Variants in PACRGL observed in about 807,000 individuals in gnomAD.
PACRGL encodes parkin coregulated like, also known as PACRG-like protein.
Under a neutral mutation model 34.5 loss-of-function variants are expected in PACRGL, and 38 were observed. That is an observed-to-expected ratio of 1.10 (90% CI 0.85 to 1.44). PACRGL has a LOEUF of 1.44. PACRGL is among the 40% of genes most tolerant of loss of function. The pLI is 0.00. For synonymous variants in PACRGL, 128 were observed against 100.1 expected (o/e 1.28, Z -1.66); for missense variants, 305 against 281.4 (o/e 1.08, Z -0.60).
At chr4:20,696,672 C>T (rs1335787344), upstream of PACRGL, among the ~76,000 whole-genome samples, 1 of 152,196 alleles carries the variant, frequency 6.6e-6, no homozygotes, top group Non-Finnish European at 1.5e-5. Flanking sequence ...ACAGTATGTA[C>T]TCTCTAGCTA....
the PACRGL span, among the ~76,000 whole-genome samples, chr4:20,764,141 T>A: frequency 6.6e-6 from 1 of 152,184 alleles, no homozygotes; most frequent in Non-Finnish European, 1.5e-5. Context: ...AATGAAATTT[T>A]GTCTGATTAT....
chr4:20,713,469 A>G lies in PACRGL; in HGVS notation c.539A>G (p.Asn180Ser). ...GATGAAGTGTTTGAAAGAGGATTGA[A>G]TGCTCTAGTTCAGCTAAGTGTCGTT... The part of the protein sequence containing the change: ...SDDEVFERGL[N>S]ALVQLSVVVG... The change falls in exon 7 of 9, where the codon AAT becomes AGT. Residue 180 changes from asparagine (N) to serine (S), a missense_variant. Transcript: ENST00000503585. 1 of 1,613,736 alleles carries G rather than the reference A, an allele frequency of 6.2e-7. No homozygotes were observed. The highest frequency in any genetic ancestry group is 1.3e-5 in the African/African-American group (1 of 75,022).
downstream of PACRGL, among the ~76,000 whole-genome samples, chr4:20,733,900 C>T (rs1001376118): frequency 6.6e-6 from 1 of 152,116 alleles, no homozygotes; most frequent in South Asian, 2.1e-4. Context: ...CTGTGTCTCT[C>T]CAGTAGCGCA....
At chr4:20,738,937 T>G (rs1000030016) in intron 8 of PACRGL, among the ~76,000 whole-genome samples, 6 of 152,148 alleles carry the variant, frequency 3.9e-5, no homozygotes, top group Admixed American at 6.5e-5. Flanking sequence ...ACCAGGAGAT[T>G]ATATACTGCA....
Position 20,704,830 on chromosome 4 carries a change from T to C in PACRGL, c.207+16T>C. 2.5e-6 allele frequency: 4 copies of C among 1,612,450 alleles called. No homozygotes were observed. The highest frequency in any genetic ancestry group is 3.4e-6 in the Non-Finnish European group (4 of 1,178,624). On this transcript the variant is annotated intron_variant, in intron 3 of 8. Coordinates refer to ENST00000503585, the MANE Select transcript of PACRGL (RefSeq NM_001258345.3). ...AATTAATCCGGTAGGTCCAAAACTA[T>C]TCCTAACTCAGTAGATTTTTTAAAG...
At chr4:20,697,832 T>C (rs1010774118), upstream of PACRGL, among the ~76,000 whole-genome samples, 1 of 152,176 alleles carries the variant, frequency 6.6e-6, no homozygotes, top group African/African-American at 2.4e-5. Flanking sequence ...GAGTGTTCTC[T>C]CTCAGGCCTC....
chr4:20,717,052 T>A (rs190798841), intron 7 of PACRGL, among the ~76,000 whole-genome samples: 150 of 152,336 alleles, frequency 9.8e-4, no homozygotes, highest in African/African-American at 3.4e-3. Flanking sequence ...GGTATCTCAT[T>A]GTGGTTTTGA....
chr4:20,756,743 T>A (rs1754502589), downstream of PACRGL, among the ~76,000 whole-genome samples: 1 of 152,006 alleles, frequency 6.6e-6, no homozygotes, highest in Non-Finnish European at 1.5e-5. Context: ...GACCTTCTGA[T>A]CCTTACCTTA....
chr4:20,726,566 C>T (rs982779999), intron 8 of PACRGL, among the ~76,000 whole-genome samples: 3 of 152,134 alleles, frequency 2.0e-5, no homozygotes, highest in African/African-American at 4.8e-5. Context: ...TCTTTCTCTT[C>T]TAAGACCTTA....
chr4:20,730,256 AAGT>A lies in PACRGL; in HGVS notation c.*2916_*2918del. The A allele has an allele frequency of 8.5e-7, 1 of 1,182,290 alleles. No individual in the cohort carries two copies. The highest frequency in any genetic ancestry group is 1.1e-6 in the Non-Finnish European group (1 of 876,944). The allele number at this position is 1,182,290 out of a possible 1,614,324, so 73.2% of individuals were successfully genotyped here. ...CACCTATGCCAAAAGCTCAAATATT[AAGT>A]GTTTGCAAATGTAAATGCCATTCTA... is the stretch of plus-strand genomic sequence containing the variant. On this transcript the variant is annotated 3_prime_UTR_variant, in exon 9 of 9. Coordinates refer to ENST00000503585, the MANE Select transcript of PACRGL (RefSeq NM_001258345.3).
chr4:20,739,295 C>G (rs1750478573), intron 8 of PACRGL, among the ~76,000 whole-genome samples: 2 of 152,222 alleles, frequency 1.3e-5, no homozygotes, highest in Non-Finnish European at 2.9e-5. Context: ...AAGTGGGTCC[C>G]TGACCCCCGA....
intron 8 of PACRGL, 105 bp downstream of exon 8, chr4:20,724,993 G>GT (rs1271111342): frequency 5.0e-6 from 3 of 596,726 alleles, no homozygotes; most frequent in Middle Eastern, 5.2e-4. Flanking sequence ...TCAGCCACAG[G>GT]TAACTATGTG....
chr4:20,730,215 C>G lies in PACRGL; in HGVS notation c.*2874C>G. The G allele has an allele frequency of 3.4e-6, 5 of 1,453,260 alleles. No individual in the cohort carries two copies. Among genetic ancestry groups the G allele is most frequent in the South Asian group, 2.9e-5 (2 of 68,010 alleles). 90.0% of individuals were successfully genotyped at this position (1,453,260 alleles called of 1,614,324 possible). On this transcript the variant is annotated 3_prime_UTR_variant, in exon 9 of 9. Transcript: ENST00000503585. ...TTTGCCCCTGAGTATTGCCTCCTCCCATCAACCACCTCAACCACCTATGCC... is the reference window on the plus strand; with the variant it reads ...TTTGCCCCTGAGTATTGCCTCCTCCGATCAACCACCTCAACCACCTATGCC...
At chr4:20,703,651 G>C (rs1205037829) in intron 1 of PACRGL, among the ~76,000 whole-genome samples, 1 of 152,038 alleles carries the variant, frequency 6.6e-6, no homozygotes, top group Non-Finnish European at 1.5e-5. Context: ...GTATTCCCTG[G>C]GTGAGTAACT....
At chr4:20,751,045 G>C (rs1228996604) in intron 8 of PACRGL, among the ~76,000 whole-genome samples, 3 of 152,144 alleles carry the variant, frequency 2.0e-5, no homozygotes, top group Non-Finnish European at 2.9e-5. Flanking sequence ...CTCCTTACAG[G>C]TTGTTTTTCC....
At chr4:20,735,661 C>T (rs1041881621), downstream of PACRGL, among the ~76,000 whole-genome samples, 6 of 151,746 alleles carry the variant, frequency 4.0e-5, no homozygotes, top group South Asian at 2.1e-4. Context: ...CTCAGCCTCC[C>T]GAGTAGCTGG....
chr4:20,709,348 G>C (rs1736039309), intron 4 of PACRGL, among the ~76,000 whole-genome samples: 1 of 151,938 alleles, frequency 6.6e-6, no homozygotes, highest in South Asian at 2.1e-4. Context: ...TAATTACTAT[G>C]TTTTGTTTGC....
chr4:20,709,742 C>G lies in PACRGL; in HGVS notation c.335C>G (p.Ser112Ter), dbSNP rs1736222850. ...LQWECPPESL[S>*]FDPLLITLAE... is the part of the protein sequence containing the mutation. ...TGGGAATGTCCTCCTGAAAGTCTTT[C>G]ATTTGATCCACTTCTTATTACTTTA... The change falls in exon 5 of 9, where the codon TCA becomes TGA. Residue 112 changes from serine (S) to a stop codon, truncating the protein, a stop_gained. Coordinates refer to ENST00000503585, the MANE Select transcript of PACRGL (RefSeq NM_001258345.3). LOFTEE classifies it high-confidence loss of function. The G allele has an allele frequency of 1.2e-6, 2 of 1,607,796 alleles. No homozygotes were observed. The highest frequency in any genetic ancestry group is 1.7e-6 in the Non-Finnish European group (2 of 1,174,858).
Position 20,700,735 on chromosome 4 carries a change from C to T in PACRGL, c.-69C>T, listed in dbSNP as rs1360263536. ...AGCGCTTGGAGTGTACCCCTCCTTT[C>T]CTGGGGTAGAGGGTCAGTCGAGAGT... is the stretch of plus-strand genomic sequence containing the variant. On this transcript the variant is annotated 5_prime_UTR_variant, in exon 1 of 9. Coordinates refer to ENST00000503585, the MANE Select transcript of PACRGL (RefSeq NM_001258345.3). 6.6e-6 allele frequency: 1 copy of T among 152,166 alleles called. No individual in the cohort carries two copies. The highest frequency in any genetic ancestry group is 2.4e-5 in the African/African-American group (1 of 41,438). The allele number at this position is 152,166 out of a possible 1,614,324, so 9.4% of individuals were successfully genotyped here. A position where few individuals can be genotyped will look rare whatever the true frequency, so the allele number is the denominator to read the frequency against.
Sources: allele counts gnomAD v4.1 joint callset (sites outside exome capture counted in the v4.1 genomes callset), GRCh38; gene constraint gnomAD v4.1.1; transcripts MANE v1.5; gene names NCBI Gene and HGNC (gene_info 2026-07-23, HGNC 2026-07-21).